Variants in HHAT observed in about 807,000 individuals in gnomAD.
The protein encoded by HHAT is hedgehog acyltransferase, also known as protein-cysteine N-palmitoyltransferase HHAT.
HHAT carries 47 observed loss-of-function variants against 70.8 expected under a neutral mutation model. That is an observed-to-expected ratio of 0.66 (90% CI 0.53 to 0.85). The LOEUF (loss-of-function observed/expected upper bound fraction) is 0.85. HHAT is among the 40% of genes least tolerant of loss of function. The pLI is 0.00. For missense variants in HHAT, 609 were observed against 604.8 expected, an observed-to-expected ratio of 1.01 and a Z score of -0.07; for synonymous variants, 228 against 247.6, an observed-to-expected ratio of 0.92 and a Z score of 0.74.
intron 7 of HHAT, among the ~76,000 whole-genome samples, chr1:210,438,550 A>T (rs2093432720): frequency 6.6e-6 from 1 of 151,698 alleles, no homozygotes; most frequent in Admixed American, 6.6e-5. Flanking sequence ...TTATTAAGGC[A>T]TCTGGTATAC....
intron 7 of HHAT, among the ~76,000 whole-genome samples, chr1:210,459,543 G>A (rs2093937741): frequency 6.6e-6 from 1 of 152,174 alleles, no homozygotes; most frequent in Non-Finnish European, 1.5e-5. Flanking sequence ...GAAGTATGAT[G>A]AGAGAGGACA....
intron 6 of HHAT, among the ~76,000 whole-genome samples, chr1:210,405,300 C>T (rs2092284620): frequency 6.6e-6 from 1 of 152,032 alleles, no homozygotes; most frequent in Admixed American, 6.6e-5. Flanking sequence ...CTGTTGTTCC[C>T]CCCTACTTCA....
At chr1:210,465,648 C>CA (rs1440895805) in intron 8 of HHAT, among the ~76,000 whole-genome samples, 3 of 152,064 alleles carry the variant, frequency 2.0e-5, no homozygotes, top group Non-Finnish European at 1.5e-5. Flanking sequence ...TCTCTATAGG[C>CA]AAAAAAACCA....
At position 210,448,079 on chromosome 1, in the gene HHAT, TTC is replaced by T. The variant is rs2093670536; in HGVS notation, c.857-16424_857-16423del. On this transcript the variant is annotated intron_variant, in intron 7 of 11. Transcript: ENST00000261458. Reference sequence around the variant, plus strand: ...ATTTGACAGTTTATTTGGTTAGAGGTTCTTTTTTTTTTTTTTTTGAGATGAAG... The same window carrying T: ...ATTTGACAGTTTATTTGGTTAGAGGTTTTTTTTTTTTTTTTTGAGATGAAG... Among the ~76,000 whole-genome samples, 3 of 104,052 alleles carry T rather than the reference TTC, an allele frequency of 2.9e-5. No homozygotes were observed. In the South Asian group the frequency reaches 9.6e-4, roughly 33 times the overall value. The allele number at this position is 104,052 out of a possible 152,430, so 68.3% of individuals were successfully genotyped here. A position where few individuals can be genotyped will look rare whatever the true frequency, so the allele number is the denominator to read the frequency against.
At chr1:210,505,210 T>A (rs2094832037) in intron 8 of HHAT, among the ~76,000 whole-genome samples, 1 of 152,106 alleles carries the variant, frequency 6.6e-6, no homozygotes, top group Admixed American at 6.5e-5. Context: ...AACTTTTTAT[T>A]CTTGACTGTG....
intron 3 of HHAT, among the ~76,000 whole-genome samples, chr1:210,367,753 A>G (rs530677739): frequency 8.5e-5 from 13 of 152,282 alleles, no homozygotes; most frequent in African/African-American, 3.1e-4. Flanking sequence ...CATTTCTTTG[A>G]GGGTAATGCT....
At chr1:210,497,385 T>C (rs2094668272) in intron 8 of HHAT, among the ~76,000 whole-genome samples, 3 of 152,210 alleles carry the variant, frequency 2.0e-5, no homozygotes, top group Non-Finnish European at 2.9e-5. Context: ...AAGTCTCTAG[T>C]TAAACAGTTA....
chr1:210,545,894 T>G (rs1310615832), intron 9 of HHAT, among the ~76,000 whole-genome samples: 1 of 152,208 alleles, frequency 6.6e-6, no homozygotes, highest in East Asian at 1.9e-4. Context: ...GACTGTAAGC[T>G]CCATTAAAGC....
At chr1:210,658,937 A>T (rs1306401295) in intron 11 of HHAT, among the ~76,000 whole-genome samples, 2 of 152,224 alleles carry the variant, frequency 1.3e-5, no homozygotes, top group African/African-American at 4.8e-5. Context: ...CATGTAAAGC[A>T]GTGTATAGAG....
rs2093639955 is a variant in HHAT, at chr1:210,446,598, A to G, written c.857-17907A>G. Among the ~76,000 whole-genome samples, 3 of 151,976 alleles carry G rather than the reference A, an allele frequency of 2.0e-5. No individual in the cohort carries two copies. In the South Asian group the frequency reaches 6.3e-4, roughly 32 times the overall value. On this transcript the variant is annotated intron_variant, in intron 7 of 11. Transcript: ENST00000261458. ...CTGCCACCGTGACTCATCTCCTCCC[A>G]CCCTTGCCCCGGCCTCTGTGCTCCT...
chr1:210,337,669 G>A (rs988249591), intron 1 of HHAT, among the ~76,000 whole-genome samples: 1 of 152,058 alleles, frequency 6.6e-6, no homozygotes, highest in Non-Finnish European at 1.5e-5. Flanking sequence ...CTTCCCTCCT[G>A]TAAGGAACCT....
At chr1:210,392,600 C>T (rs777368663) in intron 4 of HHAT, among the ~76,000 whole-genome samples, 3 of 152,084 alleles carry the variant, frequency 2.0e-5, no homozygotes, top group African/African-American at 7.2e-5. Context: ...TAGTACTAAT[C>T]TTCTACAAAT....
At chr1:210,392,446 A>T (rs888785516) in intron 4 of HHAT, among the ~76,000 whole-genome samples, 1 of 152,004 alleles carries the variant, frequency 6.6e-6, no homozygotes, top group South Asian at 2.1e-4. Context: ...TTCCCTGATC[A>T]TCTCTCCTCT....
chr1:210,499,573 T>C (rs1332633130), intron 8 of HHAT, among the ~76,000 whole-genome samples: 1 of 151,642 alleles, frequency 6.6e-6, no homozygotes, highest in Non-Finnish European at 1.5e-5. Context: ...AACCCAGGAG[T>C]TGGGGGTTGC....
chr1:210,561,908 G>A (rs2095626475), intron 9 of HHAT, among the ~76,000 whole-genome samples: 1 of 152,142 alleles, frequency 6.6e-6, no homozygotes, highest in Non-Finnish European at 1.5e-5. Flanking sequence ...TCCTCAATGT[G>A]TCCAGCACAG....
At chr1:210,519,156 C>G (rs757565893) in intron 9 of HHAT, among the ~76,000 whole-genome samples, 1 of 152,162 alleles carries the variant, frequency 6.6e-6, no homozygotes, top group African/African-American at 2.4e-5. Flanking sequence ...CTTGGCCCCT[C>G]AACTCTGATT....
chr1:210,674,336 C>G lies in HHAT; in HGVS notation c.1439C>G (p.Ser480Cys). Residue 480 changes from serine to cysteine, a missense_variant, in exon 12 of 12, where the codon TCC (serine) becomes TGC (cysteine). By Grantham distance (112) the Ser-to-Cys change is moderately radical. Coordinates refer to ENST00000261458, the MANE Select transcript of HHAT (RefSeq NM_018194.6). ...LSVLGFLYCY[S>C]HVGIAWAQTY... ...GTCCTGGGATTCCTGTACTGCTACT[C>G]CCACGTGGGCATTGCCTGGGCCCAG... 6.2e-7 allele frequency: 1 copy of G among 1,614,182 alleles called. No individual in the cohort carries two copies.
chr1:210,525,186 C>A (rs183187286), intron 9 of HHAT, among the ~76,000 whole-genome samples: 2 of 152,042 alleles, frequency 1.3e-5, no homozygotes, highest in African/African-American at 4.8e-5. Context: ...AGCACCCTTG[C>A]GTTGATGCCC....
At chr1:210,560,434 G>A (rs1348632876) in intron 9 of HHAT, among the ~76,000 whole-genome samples, 1 of 151,964 alleles carries the variant, frequency 6.6e-6, no homozygotes, top group Non-Finnish European at 1.5e-5. Context: ...GAGACCTCTG[G>A]CTTCTTGGGG....
Sources: allele counts gnomAD v4.1 joint callset (sites outside exome capture counted in the v4.1 genomes callset), GRCh38; gene constraint gnomAD v4.1.1; transcripts MANE v1.5; gene names NCBI Gene and HGNC (gene_info 2026-07-23, HGNC 2026-07-21).